Variants in CPT1A observed in about 807,000 individuals in gnomAD.
CPT1A encodes carnitine O-palmitoyltransferase 1, liver isoform.
In CPT1A, 64 loss-of-function variants were observed where a neutral mutation model predicts 100.8. That is an observed-to-expected ratio of 0.63 (90% CI 0.52 to 0.78). CPT1A has a LOEUF of 0.78. Ranked by LOEUF, CPT1A falls within the 30% of genes least tolerant of loss-of-function variation. The pLI, the probability that CPT1A is intolerant of heterozygous loss-of-function variation, is 0.00. For synonymous variants in CPT1A, 363 were observed against 396.0 expected (o/e 0.92, Z 0.99); for missense variants, 802 against 1,034.1 (o/e 0.78, Z 3.08).
intron 14 of CPT1A, among the ~76,000 whole-genome samples, chr11:68,765,147 T>C (rs1227682234): frequency 6.6e-6 from 1 of 152,096 alleles, no homozygotes; most frequent in Non-Finnish European, 1.5e-5. Context: ...AATGAAGAAG[T>C]GGGGAGAGGG....
chr11:68,823,015 T>C (rs1017039158), intron 1 of CPT1A, among the ~76,000 whole-genome samples: 4 of 152,150 alleles, frequency 2.6e-5, no homozygotes, highest in Non-Finnish European at 5.9e-5. Context: ...ATTGTGGTGA[T>C]AGTTGCACAA....
chr11:68,759,575 A>G lies in CPT1A; in HGVS notation c.2229T>C (p.Pro743=), dbSNP rs1471671919. The G allele has an allele frequency of 1.2e-6, 2 of 1,606,974 alleles. No homozygotes were observed. Among genetic ancestry groups the G allele is most frequent in the African/African-American group, 1.3e-5 (1 of 74,894 alleles). Residue 743 remains proline (P), a synonymous_variant, in exon 18 of 19, where the codon CCT becomes CCC. Coordinates refer to ENST00000265641, the MANE Select transcript of CPT1A (RefSeq NM_001876.4). ...NFHISSKFSC[P]ETDSHRFGRH... is the part of the protein sequence containing the mutation. ...AACTTCTTTTCATACATACCGTCTC[A>G]GGGCAAGAGAACTTGGAAGAAATGT...
chr11:68,824,791 T>C (rs1385823874), intron 1 of CPT1A, among the ~76,000 whole-genome samples: 2 of 119,118 alleles, frequency 1.7e-5, no homozygotes, highest in Non-Finnish European at 3.4e-5. Flanking sequence ...CATGCAATTG[T>C]ATCTTTTTTT....
At chr11:68,817,115 GTGTGTGGTGATGTGTGGT>G (rs1856445050) in intron 1 of CPT1A, among the ~76,000 whole-genome samples, 1 of 142,168 alleles carries the variant, frequency 7.0e-6, no homozygotes, top group Non-Finnish European at 1.5e-5. Flanking sequence ...GTGTGTGTGG[GTGTGTGGTGATGTGTGGT>G]TGTGTGGGGG....
intron 10 of CPT1A, among the ~76,000 whole-genome samples, chr11:68,783,580 C>A (rs568035294): frequency 1.3e-5 from 2 of 152,338 alleles, no homozygotes; most frequent in East Asian, 3.9e-4. Flanking sequence ...CGCCTTACTC[C>A]CAGCGATAGC....
Position 68,761,495 on chromosome 11 carries a change from CTAG to C in CPT1A, c.2028+37_2028+39del. The stretch of plus-strand genomic sequence containing the variant: ...CTGTAGTAATTTACTAAGTTTTGGT[CTAG>C]CCAATACAACTGACGGAAGAAGTGG... On this transcript the variant is annotated intron_variant, in intron 16 of 18. Transcript: ENST00000265641. 4 of 1,605,772 alleles carry C rather than the reference CTAG, an allele frequency of 2.5e-6. No homozygotes were observed. In the South Asian group the frequency reaches 4.4e-5, roughly 18 times the overall value.
At chr11:68,827,782 T>C (rs879784) in intron 1 of CPT1A, among the ~76,000 whole-genome samples, 112,075 of 152,038 alleles carry the variant, frequency 0.74, 43,789 homozygotes, top group Non-Finnish European at 0.87. Context: ...AGTGCCACCA[T>C]ACACGTGCGA....
At chr11:68,758,829 G>A (rs1162807130) in intron 18 of CPT1A, among the ~76,000 whole-genome samples, 1 of 150,852 alleles carries the variant, frequency 6.6e-6, no homozygotes, top group Non-Finnish European at 1.5e-5. Flanking sequence ...TGTTGGCCAG[G>A]ATGGTTTCAA....
At position 68,774,395 on chromosome 11, in the gene CPT1A, C is replaced by T. The variant is rs566784634; in HGVS notation, c.1575+921G>A. On this transcript the variant is annotated intron_variant, in intron 13 of 18. Coordinates refer to ENST00000265641, the MANE Select transcript of CPT1A (RefSeq NM_001876.4). ...ATAGTCACACGTCATCTTATGATGACGTCATCACACAGTGGCAATCAAGAA... is the reference window on the plus strand; with the variant it reads ...ATAGTCACACGTCATCTTATGATGATGTCATCACACAGTGGCAATCAAGAA... Among the ~76,000 whole-genome samples the T allele has an allele frequency of 6.6e-5, 10 of 152,048 alleles. No individual in the cohort carries two copies. In the South Asian group the frequency reaches 1.5e-3, roughly 22 times the overall value.
chr11:68,816,512 C>G (rs1856393627), intron 1 of CPT1A, among the ~76,000 whole-genome samples: 1 of 152,128 alleles, frequency 6.6e-6, no homozygotes. Flanking sequence ...TCCGGATCTG[C>G]TACATTCTTC....
intron 14 of CPT1A, among the ~76,000 whole-genome samples, chr11:68,772,897 C>G (rs1428899238): frequency 6.6e-6 from 1 of 152,116 alleles, no homozygotes; most frequent in Admixed American, 6.6e-5. Context: ...CAGACGAATA[C>G]GTAACTGACT....
Position 68,789,249 on chromosome 11 carries a change from C to T in CPT1A, c.967+4066G>A, listed in dbSNP as rs1292669748. Among the ~76,000 whole-genome samples the T allele has an allele frequency of 2.6e-5, 4 of 152,194 alleles. No homozygotes were observed. The East Asian group carries it at 7.7e-4, about 29-fold the overall frequency. ...CTTAAGATAAGTCTATACCTCTTTCCCTTTTTTTATTTTGGGGAATTTGAA... is the reference window on the plus strand; with the variant it reads ...CTTAAGATAAGTCTATACCTCTTTCTCTTTTTTTATTTTGGGGAATTTGAA... On this transcript the variant is annotated intron_variant, in intron 9 of 18. Transcript: ENST00000265641.
chr11:68,800,016 T>C (rs1855861119), intron 5 of CPT1A, among the ~76,000 whole-genome samples: 2 of 152,174 alleles, frequency 1.3e-5, no homozygotes, highest in African/African-American at 4.8e-5. Context: ...CTCTTATCTA[T>C]TATTTGGCCC....
chr11:68,772,039 A>G (rs1855003751), intron 14 of CPT1A, among the ~76,000 whole-genome samples: 1 of 152,252 alleles, frequency 6.6e-6, no homozygotes. Flanking sequence ...CACACGCTGC[A>G]TATGTGTACA....
At chr11:68,837,754 G>A (rs1285407786) in intron 1 of CPT1A, among the ~76,000 whole-genome samples, 1 of 152,030 alleles carries the variant, frequency 6.6e-6, no homozygotes, top group African/African-American at 2.4e-5. Context: ...TGGGAGGATC[G>A]CTTGAGGCCA....
chr11:68,839,463 C>T, intron 1 of CPT1A: 8 of 972,728 alleles, frequency 8.2e-6, no homozygotes, highest in Non-Finnish European at 9.8e-6. Context: ...GGATCCTGTT[C>T]CACCCGCCGT....
chr11:68,754,990 C>A lies in CPT1A; in HGVS notation c.*2654G>T. ...CTGTATTTACATGCACCGGTCAGCC[C>A]AAGATAACAAATTCAAACCATGGCT... is the stretch of plus-strand genomic sequence containing the variant. On this transcript the variant is annotated 3_prime_UTR_variant, in exon 19 of 19. Coordinates refer to ENST00000265641, the MANE Select transcript of CPT1A (RefSeq NM_001876.4). 1 of 637,306 alleles carries A rather than the reference C, an allele frequency of 1.6e-6. No homozygotes were observed. The highest frequency in any genetic ancestry group is 2.7e-5 in the East Asian group (1 of 36,842). The allele number at this position is 637,306 out of a possible 1,614,324, so 39.5% of individuals were successfully genotyped here.
At chr11:68,825,053 C>T (rs937689719) in intron 1 of CPT1A, among the ~76,000 whole-genome samples, 2 of 152,102 alleles carry the variant, frequency 1.3e-5, no homozygotes, top group African/African-American at 4.8e-5. Context: ...CCCAACTCGG[C>T]CTCCCAAAGT....
intron 5 of CPT1A, among the ~76,000 whole-genome samples, chr11:68,802,572 C>CAA (rs1186647571): frequency 1.4e-5 from 2 of 144,212 alleles, no homozygotes; most frequent in African/African-American, 5.1e-5. Context: ...ACTAAAAATA[C>CAA]AAAAAAAAAA....
Sources: gnomAD v4.1 joint callset for allele counts (sites outside exome capture counted in the v4.1 genomes callset) on GRCh38, gnomAD v4.1.1 for gene constraint, MANE v1.5 for transcripts, NCBI Gene and HGNC (gene_info 2026-07-23, HGNC 2026-07-21) for gene names.